The following BBS9 variants were observed in gnomAD, a reference collection of about 807,000 sequenced individuals.
BBS9 encodes Bardet-Biedl syndrome 9, also known as protein PTHB1.
A neutral mutation model predicts 117.7 loss-of-function variants in BBS9; 89 were observed. The ratio of observed to expected loss-of-function variants is 0.76; its 90% CI spans 0.64 to 0.90. The LOEUF is 0.90. Among genes scored for constraint, BBS9 ranks in the 40% least tolerant of loss-of-function variants. BBS9 has a pLI of 0.00. For missense variants in BBS9, 982 were observed against 1,042.2 expected (o/e 0.94, Z 0.80); for synonymous variants, 379 against 370.9 (o/e 1.02, Z -0.25).
Position 33,164,682 on chromosome 7 carries a change from G to A in BBS9, c.328+8980G>A, listed in dbSNP as rs191341253. On this transcript the variant is annotated intron_variant, in intron 4 of 22. Transcript: ENST00000242067. ...GCTTTTTTTTGTTTTCCATTTGCTT[G>A]GTAGATCTTCCTTTATCCTTTTATT... Among the ~76,000 whole-genome samples the A allele has an allele frequency of 2.1e-3, 315 of 152,054 alleles. 3 individuals are homozygous for A. The highest frequency in any genetic ancestry group is 0.015 in the Admixed American group (229 of 15,284).
chr7:33,345,535 G>A (rs968088831), intron 12 of BBS9, among the ~76,000 whole-genome samples: 1 of 151,982 alleles, frequency 6.6e-6, no homozygotes, highest in Non-Finnish European at 1.5e-5. Context: ...ATCTTTGGTC[G>A]AACTTGAAGG....
chr7:33,366,639 G>C (rs1227493473), intron 16 of BBS9, among the ~76,000 whole-genome samples: 2 of 148,494 alleles, frequency 1.3e-5, no homozygotes, highest in African/African-American at 5.0e-5. Context: ...CCACCTCCTG[G>C]GTTCAAGCGA....
At chr7:33,627,601 C>T (rs1865702604) in intron 21 of BBS9, among the ~76,000 whole-genome samples, 1 of 152,186 alleles carries the variant, frequency 6.6e-6, no homozygotes, top group Admixed American at 6.5e-5. Context: ...GGGGCTGTAC[C>T]CTGAAGAGCC....
At chr7:33,458,509 C>T (rs566703337) in intron 19 of BBS9, among the ~76,000 whole-genome samples, 4 of 152,174 alleles carry the variant, frequency 2.6e-5, no homozygotes, top group Non-Finnish European at 5.9e-5. Context: ...TTTTTCTTTG[C>T]GGAAAATCTT....
chr7:33,323,688 T>A (rs1425333354), intron 9 of BBS9, among the ~76,000 whole-genome samples: 1 of 152,010 alleles, frequency 6.6e-6, no homozygotes, highest in Non-Finnish European at 1.5e-5. Context: ...TTTAAAAAAA[T>A]TCATTAAGCC....
intron 21 of BBS9, among the ~76,000 whole-genome samples, chr7:33,543,258 T>C (rs1268535117): frequency 6.6e-6 from 1 of 152,174 alleles, no homozygotes; most frequent in Admixed American, 6.5e-5. Flanking sequence ...TTGTATATCT[T>C]TTTTTTGAGA....
chr7:33,351,561 T>C lies in BBS9; in HGVS notation c.1537+238T>C, dbSNP rs35054346. 2,098 of 499,146 alleles carry C rather than the reference T, an allele frequency of 4.2e-3. 2 individuals are homozygous for C. The highest frequency in any genetic ancestry group is 6.0e-3 in the Non-Finnish European group (1,644 of 274,130). 30.9% of individuals were successfully genotyped at this position (499,146 alleles called of 1,614,324 possible). ...CCCTCTTTTCAGTTAATAGCAAATC[T>C]GATACATTTTTATTCCTAATAGAAG... is the stretch of plus-strand genomic sequence containing the variant. On this transcript the variant is annotated intron_variant, in intron 14 of 22. Coordinates refer to ENST00000242067, the MANE Select transcript of BBS9 (RefSeq NM_198428.3).
chr7:33,347,335 G>A lies in BBS9; in HGVS notation c.1330-1733G>A, dbSNP rs1046181197. Among the ~76,000 whole-genome samples, 10 of 152,042 alleles carry A rather than the reference G, an allele frequency of 6.6e-5. No individual in the cohort carries two copies. The East Asian group carries it at 1.7e-3, about 26-fold the overall frequency. The stretch of plus-strand genomic sequence containing the variant: ...TATAATAGTAGAATATTTAAATTGT[G>A]TCTTGTTTGTTTAATGGACTAGCTA... On this transcript the variant is annotated intron_variant, in intron 12 of 22. Transcript: ENST00000242067.
intron 21 of BBS9, among the ~76,000 whole-genome samples, chr7:33,623,789 T>A (rs149213039): frequency 2.4e-4 from 37 of 152,236 alleles, no homozygotes; most frequent in African/African-American, 8.9e-4. Context: ...AAGTCTGAAA[T>A]CAGGCAAACA....
intron 9 of BBS9, among the ~76,000 whole-genome samples, chr7:33,316,909 G>T (rs1810628326): frequency 6.6e-6 from 1 of 151,990 alleles, no homozygotes; most frequent in Admixed American, 6.6e-5. Context: ...TTCCTTTAAG[G>T]TTTTTGCTTT....
chr7:33,437,871 G>A (rs536454550), intron 19 of BBS9, among the ~76,000 whole-genome samples: 5 of 152,072 alleles, frequency 3.3e-5, no homozygotes, highest in Admixed American at 6.6e-5. Context: ...GTGAGACTCC[G>A]TTGCAAAAAC....
intron 21 of BBS9, among the ~76,000 whole-genome samples, chr7:33,591,514 A>C (rs1861912671): frequency 6.6e-6 from 1 of 152,064 alleles, no homozygotes; most frequent in Non-Finnish European, 1.5e-5. Flanking sequence ...CCTTTTCCAG[A>C]AGGACTTGCC....
At chr7:33,203,970 G>T (rs368051975) in intron 5 of BBS9, among the ~76,000 whole-genome samples, 1 of 151,154 alleles carries the variant, frequency 6.6e-6, no homozygotes, top group Non-Finnish European at 1.5e-5. Context: ...TAATCCGCCC[G>T]CCTCGGCCTC....
intron 21 of BBS9, among the ~76,000 whole-genome samples, chr7:33,585,265 T>C (rs1164946246): frequency 6.6e-6 from 1 of 152,122 alleles, no homozygotes; most frequent in African/African-American, 2.4e-5. Flanking sequence ...TTCAGTGATT[T>C]TCCCAAACCC....
intron 1 of BBS9, among the ~76,000 whole-genome samples, chr7:33,135,229 A>G (rs1259351081): frequency 6.6e-6 from 1 of 152,172 alleles, no homozygotes; most frequent in Non-Finnish European, 1.5e-5. Context: ...CTGGTGTCAA[A>G]TCTAAGAATC....
At chr7:33,362,173 T>G (rs574022724) in intron 16 of BBS9, among the ~76,000 whole-genome samples, 63 of 152,192 alleles carry the variant, frequency 4.1e-4, no homozygotes, top group Non-Finnish European at 8.4e-4. Flanking sequence ...TTTTGCTCCT[T>G]TATTTGATAT....
At chr7:33,482,521 A>G (rs1842635578) in intron 19 of BBS9, among the ~76,000 whole-genome samples, 2 of 152,214 alleles carry the variant, frequency 1.3e-5, no homozygotes, top group South Asian at 4.1e-4. Context: ...GAGACAAAAA[A>G]GGATATCCTG....
intron 5 of BBS9, among the ~76,000 whole-genome samples, chr7:33,208,845 A>G (rs1787466331): frequency 6.6e-6 from 1 of 151,896 alleles, no homozygotes; most frequent in African/African-American, 2.4e-5. Context: ...AGTAGGATAT[A>G]TATTTATGGG....
intron 7 of BBS9, among the ~76,000 whole-genome samples, chr7:33,267,699 A>G (rs1251493363): frequency 6.6e-6 from 1 of 152,150 alleles, no homozygotes; most frequent in African/African-American, 2.4e-5. Context: ...TGTGAACCCC[A>G]TATTACATTG....
Sources: allele counts gnomAD v4.1 joint callset (sites outside exome capture counted in the v4.1 genomes callset), GRCh38; gene constraint gnomAD v4.1.1; transcripts MANE v1.5; gene names NCBI Gene and HGNC (gene_info 2026-07-23, HGNC 2026-07-21).